PARD3B: variants seen among roughly 807,000 people sequenced by gnomAD.
PARD3B encodes partitioning defective 3 homolog B.
A neutral mutation model predicts 130.2 loss-of-function variants in PARD3B; 103 were observed. That is an observed-to-expected ratio of 0.79 (90% confidence interval 0.67 to 0.93). The LOEUF is 0.93. Among genes scored for constraint, PARD3B ranks in the 40% least tolerant of loss-of-function variants. The pLI, the probability that PARD3B is intolerant of heterozygous loss-of-function variation, is 0.00. For synonymous variants in PARD3B, 583 were observed against 553.2 expected (o/e 1.05, Z -0.76); for missense variants, 1,609 against 1,499.2 (o/e 1.07, Z -1.21).
intron 16 of PARD3B, among the ~76,000 whole-genome samples, chr2:205,294,339 A>G (rs2041713083): frequency 6.6e-6 from 1 of 152,182 alleles, no homozygotes; most frequent in African/African-American, 2.4e-5. Context: ...GTAAGATAGA[A>G]GAAAAAAGAA....
chr2:205,022,650 T>C (rs538677380), intron 3 of PARD3B, among the ~76,000 whole-genome samples: 1 of 152,322 alleles, frequency 6.6e-6, no homozygotes, highest in African/African-American at 2.4e-5. Flanking sequence ...CCATGCTAAC[T>C]TCAAGCCAGT....
intron 18 of PARD3B, among the ~76,000 whole-genome samples, chr2:205,322,964 G>A (rs1393551254): frequency 8.4e-6 from 1 of 119,038 alleles, no homozygotes; most frequent in Non-Finnish European, 1.6e-5. Flanking sequence ...AGGCTGGAGT[G>A]CAGAGGCATG....
chr2:205,334,719 G>A (rs2043248760), intron 18 of PARD3B, among the ~76,000 whole-genome samples: 1 of 152,130 alleles, frequency 6.6e-6, no homozygotes, highest in South Asian at 2.1e-4. Context: ...AGTTTTAGTT[G>A]TCCTGTGGAA....
chr2:204,995,148 A>G (rs938598988), intron 3 of PARD3B, among the ~76,000 whole-genome samples: 1 of 152,100 alleles, frequency 6.6e-6, no homozygotes, highest in Non-Finnish European at 1.5e-5. Flanking sequence ...GATTTTGCTC[A>G]TTAGTTGATG....
At chr2:205,567,651 A>G (rs1006664846) in intron 22 of PARD3B, among the ~76,000 whole-genome samples, 1 of 151,896 alleles carries the variant, frequency 6.6e-6, no homozygotes, top group African/African-American at 2.4e-5. Context: ...CAATAACAGT[A>G]ACAAGGAATA....
In PARD3B at chr2:205,440,195, A is replaced by C. The variant is rs1412933649; in HGVS notation, c.2742-175A>C. Among the ~76,000 whole-genome samples, 3 of 152,210 alleles carry C rather than the reference A, an allele frequency of 2.0e-5. No homozygotes were observed. Among genetic ancestry groups the C allele is most frequent in the South Asian group, 2.1e-4 (1 of 4,828 alleles). On this transcript the variant is annotated intron_variant, in intron 19 of 22. Transcript: ENST00000406610. This position sits in a 1 kb window ranked among gnomAD's most constrained non-coding sequence, Gnocchi z 4.2. ...AGACCCTGTAACAAATAAAGATCAG[A>C]TATATAAAATTAATCTTCTTATGCT...
chr2:205,582,189 G>C (rs567798975), intron 22 of PARD3B, among the ~76,000 whole-genome samples: 44 of 152,180 alleles, frequency 2.9e-4, no homozygotes, highest in Admixed American at 2.0e-3. Flanking sequence ...CCGTCCATGT[G>C]AAAATCATCT....
At chr2:205,279,083 A>AAC (rs1553657198) in intron 16 of PARD3B, among the ~76,000 whole-genome samples, 2 of 146,318 alleles carry the variant, frequency 1.4e-5, no homozygotes, top group Non-Finnish European at 3.1e-5. Flanking sequence ...AAAAAAAAAA[A>AAC]AAAAAAAAAA....
intron 10 of PARD3B, among the ~76,000 whole-genome samples, chr2:205,143,470 A>G (rs1220838708): frequency 6.6e-6 from 1 of 152,230 alleles, no homozygotes; most frequent in East Asian, 1.9e-4. Flanking sequence ...TGCTCAACCT[A>G]CATCCAGCAA....
chr2:204,549,630 G>C (rs2125040824), intron 1 of PARD3B, among the ~76,000 whole-genome samples: 1 of 152,232 alleles, frequency 6.6e-6, no homozygotes, highest in South Asian at 2.1e-4. Flanking sequence ...GCCCAGCCAA[G>C]GTTGAGAATC....
At position 204,545,914 on chromosome 2, in the gene PARD3B, C is replaced by T; in HGVS notation, c.-86C>T. ...CGCCCCGGGTCTCTGGGCCCACCCG[C>T]CCCGGGCGTCCTCCGAGAGTGGGGG... On this transcript the variant is annotated 5_prime_UTR_variant, in exon 1 of 23. Coordinates refer to ENST00000406610, the MANE Select transcript of PARD3B (RefSeq NM_001302769.2). 2 of 1,401,646 alleles carry T rather than the reference C, an allele frequency of 1.4e-6. No individual in the cohort carries two copies. Among genetic ancestry groups the T allele is most frequent in the South Asian group, 1.5e-5 (1 of 65,516 alleles). The allele number at this position is 1,401,646 out of a possible 1,614,324, so 86.8% of individuals were successfully genotyped here. A position where few individuals can be genotyped will look rare whatever the true frequency, so the allele number is the denominator to read the frequency against.
chr2:204,999,057 T>C (rs1352080704), intron 3 of PARD3B, among the ~76,000 whole-genome samples: 1 of 152,152 alleles, frequency 6.6e-6, no homozygotes, highest in African/African-American at 2.4e-5. Context: ...CAATAAAGTG[T>C]AATCTTTTTT....
intron 19 of PARD3B, among the ~76,000 whole-genome samples, chr2:205,411,108 C>T (rs2106051574): frequency 6.6e-6 from 1 of 152,172 alleles, no homozygotes; most frequent in Admixed American, 6.5e-5. Context: ...GGAAGTGCTA[C>T]TGGAATCTAG....
Position 205,226,185 on chromosome 2 carries a change from G to A in PARD3B, c.2141-19593G>A, listed in dbSNP as rs551362357. Among the ~76,000 whole-genome samples, 677 of 152,242 alleles carry A rather than the reference G, an allele frequency of 4.4e-3. 3 individuals are homozygous for A. Among genetic ancestry groups the A allele is most frequent in the African/African-American group, 0.014 (563 of 41,530 alleles). On this transcript the variant is annotated intron_variant, in intron 15 of 22. Coordinates refer to ENST00000406610, the MANE Select transcript of PARD3B (RefSeq NM_001302769.2). The stretch of plus-strand genomic sequence containing the variant: ...GCCTCCCGAGTAGCTGGGACTACAG[G>A]TGCCTGCCACCACGCCCGGCTAATT...
At chr2:205,106,477 ATGTATGTG>A (rs1470317989) in intron 5 of PARD3B, among the ~76,000 whole-genome samples, 28 of 132,004 alleles carry the variant, frequency 2.1e-4, no homozygotes, top group Admixed American at 5.8e-4. Context: ...TAGTTAAGAA[ATGTATGTG>A]TGTGTGTGTG....
At chr2:205,557,991 G>A (rs1008772032) in intron 22 of PARD3B, among the ~76,000 whole-genome samples, 2 of 152,164 alleles carry the variant, frequency 1.3e-5, no homozygotes, top group Non-Finnish European at 2.9e-5. Flanking sequence ...CCTGCATGGG[G>A]ATATGCTGGG....
chr2:205,611,293 C>A (rs1377780589), intron 22 of PARD3B, among the ~76,000 whole-genome samples: 2 of 152,166 alleles, frequency 1.3e-5, no homozygotes, highest in African/African-American at 4.8e-5. Flanking sequence ...CAGTATTGAG[C>A]CCTTTCCCTA....
intron 3 of PARD3B, among the ~76,000 whole-genome samples, chr2:204,983,039 A>G (rs1692809869): frequency 6.6e-6 from 1 of 152,138 alleles, no homozygotes; most frequent in African/African-American, 2.4e-5. Flanking sequence ...TATCTGGATG[A>G]TTGCCTCCAT....
intron 2 of PARD3B, among the ~76,000 whole-genome samples, chr2:204,704,148 G>A (rs1043992922): frequency 2.6e-5 from 4 of 152,096 alleles, no homozygotes; most frequent in African/African-American, 9.7e-5. Flanking sequence ...GTGGCATTAA[G>A]TGCATTCACA....
Sources: allele counts gnomAD v4.1 joint callset (sites outside exome capture counted in the v4.1 genomes callset), GRCh38; gene constraint gnomAD v4.1.1; non-coding constraint Gnocchi (gnomAD v3.1); transcripts MANE v1.5; gene names NCBI Gene and HGNC (gene_info 2026-07-23, HGNC 2026-07-21).